Variants in ZNF382 observed in about 807,000 individuals in gnomAD.
The protein encoded by ZNF382 is zinc finger protein 382.
In ZNF382, 20 loss-of-function variants were observed where a neutral mutation model predicts 38.8. That is an observed-to-expected ratio of 0.51 (90% CI 0.36 to 0.75). The LOEUF is 0.75. Ranked by LOEUF, ZNF382 falls within the 30% of genes least tolerant of loss-of-function variation. The probability of loss-of-function intolerance (pLI) is 0.00; values close to 1 mark genes in which losing one functional copy is unlikely to be tolerated. For synonymous variants in ZNF382, 202 were observed against 223.1 expected, an observed-to-expected ratio of 0.91 and a Z score of 0.84; for missense variants, 546 against 654.1, an observed-to-expected ratio of 0.83 and a Z score of 1.80.
At chr19:36,616,170 A>G (rs897680307) in intron 4 of ZNF382, among the ~76,000 whole-genome samples, 3 of 152,176 alleles carry the variant, frequency 2.0e-5, no homozygotes, top group Admixed American at 2.0e-4. Flanking sequence ...GCTTGAGGCC[A>G]GGAGTGTGAG....
At position 36,610,550 on chromosome 19, in the gene ZNF382, T is replaced by C; in HGVS notation, c.140-100T>C. 3.7e-6 allele frequency: 3 copies of C among 818,340 alleles called. No individual in the cohort carries two copies. The South Asian group carries it at 5.1e-5, about 14-fold the overall frequency. The allele number at this position is 818,340 out of a possible 1,614,324, so 50.7% of individuals were successfully genotyped here. On this transcript the variant is annotated intron_variant, in intron 3 of 4. Transcript: ENST00000292928. ...GGTATTAACTTTGGTAAGACATTAATGTATACCTCATTTACTACCTTGAAG... is the reference window on the plus strand; with the variant it reads ...GGTATTAACTTTGGTAAGACATTAACGTATACCTCATTTACTACCTTGAAG...
intron 4 of ZNF382, among the ~76,000 whole-genome samples, chr19:36,621,483 G>A (rs367681475): frequency 6.6e-6 from 1 of 151,496 alleles, no homozygotes; most frequent in Non-Finnish European, 1.5e-5. Context: ...CAGAACTTTC[G>A]ATAATCTCTA....
intron 4 of ZNF382, 145 bp downstream of exon 4, chr19:36,610,887 GTAGCATCAAGTACA>G: frequency 1.8e-6 from 1 of 558,762 alleles, no homozygotes; most frequent in South Asian, 2.1e-5. Context: ...ATATAGTTCA[GTAGCATCAAGTACA>G]TTCGCACTGT....
intron 4 of ZNF382, among the ~76,000 whole-genome samples, chr19:36,612,062 A>G (rs1269637041): frequency 6.6e-6 from 1 of 152,174 alleles, no homozygotes; most frequent in Non-Finnish European, 1.5e-5. Context: ...TTGAATTCTG[A>G]CAGAAGGATA....
At position 36,626,143 on chromosome 19, in the gene ZNF382, A is replaced by T. The variant is rs1171810221; in HGVS notation, c.246A>T (p.Lys82Asn). ...ATTCTTTTCTAGAAGAAGATGGGAAAACTGAAGATGTCTTAGTGAAGTTCA... is the reference window on the plus strand; with the variant it reads ...ATTCTTTTCTAGAAGAAGATGGGAATACTGAAGATGTCTTAGTGAAGTTCA... ...PSYSYLEEDG[K>N]TEDVLVKFKE... Residue 82 changes from lysine (K) to asparagine (N), a missense_variant, in exon 5 of 5, where the codon AAA becomes AAT. Coordinates refer to ENST00000292928, the MANE Select transcript of ZNF382 (RefSeq NM_032825.5). 12 of 1,541,400 alleles carry T rather than the reference A, an allele frequency of 7.8e-6. No homozygotes were observed. Among genetic ancestry groups the T allele is most frequent in the Non-Finnish European group, 1.0e-5 (12 of 1,151,234 alleles).
chr19:36,607,113 A>G (rs2037038551), intron 1 of ZNF382, among the ~76,000 whole-genome samples: 1 of 151,960 alleles, frequency 6.6e-6, no homozygotes, highest in South Asian at 2.1e-4. Context: ...CTCAACTACA[A>G]CATAGACCAG....
chr19:36,625,550 C>CTTT (rs55992712), intron 4 of ZNF382, among the ~76,000 whole-genome samples: 21 of 137,254 alleles, frequency 1.5e-4, no homozygotes, highest in Middle Eastern at 7.8e-3. Flanking sequence ...GCTCACTTAT[C>CTTT]TTTTTTTTTT....
chr19:36,625,839 A>G (rs1326568917), intron 4 of ZNF382, among the ~76,000 whole-genome samples: 3 of 152,282 alleles, frequency 2.0e-5, no homozygotes, highest in African/African-American at 7.2e-5. Flanking sequence ...GATTACAGCC[A>G]TGAGCCACTG....
Position 36,627,280 on chromosome 19 carries a change from A to G in ZNF382, c.1383A>G (p.Glu461=), listed in dbSNP as rs766724243. Residue 461 remains glutamate (E), a synonymous_variant, in exon 5 of 5, where the codon GAA becomes GAG. Transcript: ENST00000292928. ...TCCACCAGAGAATTCACACGGGGGA[A>G]AAACCCTATATTTGTAATGAATGTG... The part of the protein sequence containing the change: ...LTLHQRIHTG[E]KPYICNECGK... 11 of 1,609,398 alleles carry G rather than the reference A, an allele frequency of 6.8e-6. No individual in the cohort carries two copies. In the African/African-American group the frequency reaches 8.2e-5, roughly 12 times the overall value.
In ZNF382 at chr19:36,629,831, G is replaced by A. The variant is rs2037241806; in HGVS notation, c.*2281G>A. 1 of 152,028 alleles carries A rather than the reference G, an allele frequency of 6.6e-6. No homozygotes were observed. The highest frequency in any genetic ancestry group is 2.4e-5 in the African/African-American group (1 of 41,386). The allele number at this position is 152,028 out of a possible 1,614,324, so 9.4% of individuals were successfully genotyped here. ...GTCCCAGCTACTCGGGAGGCTGAGT[G>A]GGAGGATCACTTGGGCCCGGGAGGC... On this transcript the variant is annotated 3_prime_UTR_variant, in exon 5 of 5. Transcript: ENST00000292928.
rs978492775 is a variant in ZNF382 at position 36,628,204 on chromosome 19, A to G, written c.*654A>G. The G allele has an allele frequency of 1.3e-5, 2 of 152,234 alleles. No individual in the cohort carries two copies. The highest frequency in any genetic ancestry group is 4.8e-5 in the African/African-American group (2 of 41,434). 9.4% of individuals were successfully genotyped at this position (152,234 alleles called of 1,614,324 possible). The stretch of plus-strand genomic sequence containing the variant: ...TATATGATTATATCACAATTTATCC[A>G]TTCTGCTGTTGATGGACTTTTACAT... On this transcript the variant is annotated 3_prime_UTR_variant, in exon 5 of 5. Coordinates refer to ENST00000292928, the MANE Select transcript of ZNF382 (RefSeq NM_032825.5).
Position 36,627,747 on chromosome 19 carries a change from A to G in ZNF382, c.*197A>G, listed in dbSNP as rs2037227417. 1 of 483,018 alleles carries G rather than the reference A, an allele frequency of 2.1e-6. No individual in the cohort carries two copies. Among genetic ancestry groups the G allele is most frequent in the African/African-American group, 1.9e-5 (1 of 51,500 alleles). 29.9% of individuals were successfully genotyped at this position (483,018 alleles called of 1,614,324 possible). ...ACAAATTAGATGACAAAAATCATTA[A>G]GAAGTCCAAACTTTTTTTTTATTAC... On this transcript the variant is annotated 3_prime_UTR_variant, in exon 5 of 5. Coordinates refer to ENST00000292928, the MANE Select transcript of ZNF382 (RefSeq NM_032825.5).
Position 36,628,871 on chromosome 19 carries a change from A to C in ZNF382, c.*1321A>C, listed in dbSNP as rs2037235255. On this transcript the variant is annotated 3_prime_UTR_variant, in exon 5 of 5. Transcript: ENST00000292928. ...CTCTTCAAATGAAATGATTGTAAGA[A>C]TGACTTTAACTGTTGCTCATTTCTT... 6.6e-6 allele frequency: 1 copy of C among 152,656 alleles called. No individual in the cohort carries two copies. The highest frequency in any genetic ancestry group is 6.5e-5 in the Admixed American group (1 of 15,284). 9.5% of individuals were successfully genotyped at this position (152,656 alleles called of 1,614,324 possible). A position where few individuals can be genotyped will look rare whatever the true frequency, so the allele number is the denominator to read the frequency against.
At position 36,628,628 on chromosome 19, in the gene ZNF382, C is replaced by CT. The variant is rs2037234055; in HGVS notation, c.*1079dup. On this transcript the variant is annotated 3_prime_UTR_variant, in exon 5 of 5. Coordinates refer to ENST00000292928, the MANE Select transcript of ZNF382 (RefSeq NM_032825.5). ...AATGCCTTATTTGAACTCAAAAAGT[C>CT]TACTAGAGGAGAGGCATCCAGCATT... is the stretch of plus-strand genomic sequence containing the variant. The CT allele has an allele frequency of 6.6e-6, 1 of 152,600 alleles. No individual in the cohort carries two copies. The highest frequency in any genetic ancestry group is 1.5e-5 in the Non-Finnish European group (1 of 68,044). 9.5% of individuals were successfully genotyped at this position (152,600 alleles called of 1,614,324 possible).
At position 36,626,435 on chromosome 19, in the gene ZNF382, C is replaced by T; in HGVS notation, c.538C>T (p.His180Tyr). 1 of 1,605,818 alleles carries T rather than the reference C, an allele frequency of 6.2e-7. No homozygotes were observed. The highest frequency in any genetic ancestry group is 8.5e-7 in the Non-Finnish European group (1 of 1,177,572). ...CCTCAATACCAAGCATGAGAAAATT[C>T]ATCCTGCAGTGAATCTCCATAAACA... is the stretch of plus-strand genomic sequence containing the variant. ...SLLNTKHEKIHPAVNLHKQTE... is the reference protein window; with the variant it reads ...SLLNTKHEKIYPAVNLHKQTE... The change falls in exon 5 of 5, where the codon CAT becomes TAT. Residue 180 changes from histidine (H) to tyrosine (Y), a missense_variant. Coordinates refer to ENST00000292928, the MANE Select transcript of ZNF382 (RefSeq NM_032825.5).
rs1346219775 is a variant in ZNF382 at position 36,607,623 on chromosome 19, G to A, written c.-14+1G>A. 1 of 1,523,680 alleles carries A rather than the reference G, an allele frequency of 6.6e-7. No individual in the cohort carries two copies. The highest frequency in any genetic ancestry group is 2.1e-5 in the Admixed American group (1 of 47,360). The allele number at this position is 1,523,680 out of a possible 1,614,324, so 94.4% of individuals were successfully genotyped here. On this transcript the variant is annotated splice_donor_variant, in intron 2 of 4. Coordinates refer to ENST00000292928, the MANE Select transcript of ZNF382 (RefSeq NM_032825.5). LOFTEE classifies it low-confidence loss of function (5UTR_SPLICE). Reference sequence around the variant, plus strand: ...TAGAAATCTCAAAGCCATGTCTCAGGTGAGATGATGTTTCCTCTCTTTCTG... The same window carrying A: ...TAGAAATCTCAAAGCCATGTCTCAGATGAGATGATGTTTCCTCTCTTTCTG...
At chr19:36,623,444 C>T (rs1301012166) in intron 4 of ZNF382, among the ~76,000 whole-genome samples, 1 of 152,018 alleles carries the variant, frequency 6.6e-6, no homozygotes, top group Non-Finnish European at 1.5e-5. Context: ...TGTTCCAGAC[C>T]ATAATTATAT....
chr19:36,617,265 G>T (rs2037132665), intron 4 of ZNF382, among the ~76,000 whole-genome samples: 1 of 152,124 alleles, frequency 6.6e-6, no homozygotes, highest in South Asian at 2.1e-4. Context: ...AGCCCAGCAG[G>T]TACCTTTTAA....
Position 36,627,557 on chromosome 19 carries a change from T to A in ZNF382, c.*7T>A, listed in dbSNP as rs1381268747. On this transcript the variant is annotated 3_prime_UTR_variant, in exon 5 of 5. Transcript: ENST00000292928. ...AACCACGGGAATTCAGTAAGTAATG[T>A]GGCTTTTTTTGTAAAAAAATGTTAA... is the stretch of plus-strand genomic sequence containing the variant. 1.9e-6 allele frequency: 3 copies of A among 1,593,702 alleles called. No individual in the cohort carries two copies. The highest frequency in any genetic ancestry group is 1.1e-5 in the South Asian group (1 of 89,672).
Sources: gnomAD v4.1 joint callset for allele counts (sites outside exome capture counted in the v4.1 genomes callset) on GRCh38, gnomAD v4.1.1 for gene constraint, MANE v1.5 for transcripts, NCBI Gene and HGNC (gene_info 2026-07-23, HGNC 2026-07-21) for gene names.